MAP3K19: variants seen among roughly 807,000 people sequenced by gnomAD.
The protein encoded by MAP3K19 is SPS1/STE20-related protein kinase YSK4.
In MAP3K19, 91 loss-of-function variants were observed where a neutral mutation model predicts 114.4. The observed-to-expected ratio is 0.80, with a 90% confidence interval of 0.67 to 0.95. MAP3K19 has a LOEUF of 0.95. Among genes scored for constraint, MAP3K19 ranks in the 40% least tolerant of loss-of-function variants. MAP3K19 has a pLI of 0.00. For missense variants in MAP3K19, 1,471 were observed against 1,573.2 expected, an observed-to-expected ratio of 0.94 and a Z score of 1.10; for synonymous variants, 518 against 530.5, an observed-to-expected ratio of 0.98 and a Z score of 0.32.
chr2:135,023,760 TG>T (rs1688138974), intron 4 of MAP3K19: 7 of 340,970 alleles, frequency 2.1e-5, no homozygotes, highest in South Asian at 1.4e-4. Flanking sequence ...ACCATACATA[TG>T]GGCACTTCTA....
At chr2:135,031,871 G>A (rs1282661007) in intron 2 of MAP3K19, among the ~76,000 whole-genome samples, 4 of 152,186 alleles carry the variant, frequency 2.6e-5, no homozygotes, top group Admixed American at 6.5e-5. Flanking sequence ...ACTGTCTTCA[G>A]TGTACTTTTA....
rs565542667 is a variant in MAP3K19, at chr2:135,015,891, C to CA, written c.138+5823dup. Among the ~76,000 whole-genome samples the CA allele has an allele frequency of 4.3e-3, 590 of 137,432 alleles. 3 individuals carry two copies. The highest frequency in any genetic ancestry group is 7.5e-3 in the Middle Eastern group (2 of 266). 90.2% of individuals were successfully genotyped at this position (137,432 alleles called of 152,430 possible). On this transcript the variant is annotated intron_variant, in intron 5 of 12. Coordinates refer to ENST00000392915, the MANE Select transcript of MAP3K19 (RefSeq NM_025052.5). ...CTGGCAACAGAGCGAGCCTCCATCTCAAAAAAAAAAAAAATATTTGTTGCC... is the reference window on the plus strand; with the variant it reads ...CTGGCAACAGAGCGAGCCTCCATCTCAAAAAAAAAAAAAAATATTTGTTGCC...
chr2:134,993,615 G>A (rs1291749403), intron 8 of MAP3K19, among the ~76,000 whole-genome samples: 1 of 152,194 alleles, frequency 6.6e-6, no homozygotes, highest in Non-Finnish European at 1.5e-5. Context: ...ATAATTTATA[G>A]TTGGGTACAT....
At chr2:134,969,086 G>C (rs371724794) in intron 12 of MAP3K19, among the ~76,000 whole-genome samples, 10 of 152,178 alleles carry the variant, frequency 6.6e-5, no homozygotes, top group Admixed American at 1.3e-4. Flanking sequence ...ACGAGACTCC[G>C]TCTGCAATCC....
rs1476857209 is a variant in MAP3K19, at chr2:134,987,839, T to G, written c.1033A>C (p.Arg345=). 5 of 1,610,108 alleles carry G rather than the reference T, an allele frequency of 3.1e-6. No homozygotes were observed. Among genetic ancestry groups the G allele is most frequent in the African/African-American group, 1.3e-5 (1 of 74,938 alleles). The stretch of plus-strand genomic sequence containing the variant: ...CCATGGCAGTCAATATCCTCTTCCC[T>G]AACTGCAGGAATATTGCCTTCCTTC... ...NLKEGNIPAV[R]EEDIDCHGSK... is the part of the protein sequence containing the mutation. Residue 345 remains arginine (R), a synonymous_variant, in exon 10 of 13, where the codon AGG becomes CGG. Coordinates refer to ENST00000392915, the MANE Select transcript of MAP3K19 (RefSeq NM_025052.5).
At chr2:134,991,328 A>C in intron 9 of MAP3K19, 1 of 572,288 alleles carries the variant, frequency 1.7e-6, no homozygotes, top group Non-Finnish European at 3.2e-6. Context: ...AAAACAAAAC[A>C]AAACAAAACA....
At chr2:135,013,184 G>A (rs1353934065) in intron 5 of MAP3K19, among the ~76,000 whole-genome samples, 1 of 152,018 alleles carries the variant, frequency 6.6e-6, no homozygotes, top group Non-Finnish European at 1.5e-5. Flanking sequence ...GCCAGACATG[G>A]TGGTGCATGC....
chr2:134,989,066 G>A (rs1216310862), intron 9 of MAP3K19, among the ~76,000 whole-genome samples: 2 of 152,146 alleles, frequency 1.3e-5, no homozygotes, highest in Non-Finnish European at 2.9e-5. Flanking sequence ...CATTTTTGTG[G>A]ATGACAGGCA....
At chr2:135,046,359 C>A (rs977517317) in intron 1 of MAP3K19, among the ~76,000 whole-genome samples, 6 of 152,124 alleles carry the variant, frequency 3.9e-5, no homozygotes, top group African/African-American at 9.7e-5. Flanking sequence ...TTCACTGCAA[C>A]CTCCGCCTCC....
intron 5 of MAP3K19, among the ~76,000 whole-genome samples, chr2:135,020,742 G>A (rs1687914460): frequency 6.6e-6 from 1 of 152,172 alleles, no homozygotes; most frequent in South Asian, 2.1e-4. Flanking sequence ...GTTCTCACAA[G>A]ATCTGATGGT....
chr2:134,968,226 C>T (rs1271400359), intron 12 of MAP3K19, among the ~76,000 whole-genome samples: 2 of 152,138 alleles, frequency 1.3e-5, no homozygotes, highest in South Asian at 2.1e-4. Context: ...TTTCTTAGTA[C>T]AGAACAAAAT....
intron 5 of MAP3K19, among the ~76,000 whole-genome samples, chr2:135,014,583 C>A (rs1029541988): frequency 6.6e-6 from 1 of 152,110 alleles, no homozygotes; most frequent in Non-Finnish European, 1.5e-5. Flanking sequence ...TTTAGTATAG[C>A]ATACATTCAG....
chr2:135,033,675 G>A (rs1326497047), intron 2 of MAP3K19, among the ~76,000 whole-genome samples: 9 of 402 alleles, frequency 0.022, no homozygotes, highest in African/African-American at 0.053. Flanking sequence ...CCCACCCCCC[G>A]GACGGGCGGC....
At chr2:135,017,301 A>G (rs1394014199) in intron 5 of MAP3K19, among the ~76,000 whole-genome samples, 1 of 152,192 alleles carries the variant, frequency 6.6e-6, no homozygotes, top group Non-Finnish European at 1.5e-5. Context: ...TGGGGTTATT[A>G]AATCTCCAGA....
intron 12 of MAP3K19, among the ~76,000 whole-genome samples, chr2:134,968,210 A>G (rs1209475146): frequency 2.0e-5 from 3 of 152,174 alleles, no homozygotes; most frequent in South Asian, 2.1e-4. Context: ...CCAAGGCAGA[A>G]GAATTTTTCT....
At chr2:135,033,508 T>C (rs1688443777) in intron 2 of MAP3K19, among the ~76,000 whole-genome samples, 1 of 92,676 alleles carries the variant, frequency 1.1e-5, no homozygotes, top group East Asian at 3.8e-4. Flanking sequence ...GCTCCTCACT[T>C]CCCAGTAGGG....
At position 134,980,954 on chromosome 2, in the gene MAP3K19, C is replaced by T. The variant is rs1684602141; in HGVS notation, c.3787G>A (p.Gly1263Arg). The T allele has an allele frequency of 6.2e-7, 1 of 1,614,194 alleles. No homozygotes were observed. The highest frequency in any genetic ancestry group is 8.5e-7 in the Non-Finnish European group (1 of 1,180,028). The change falls in exon 12 of 13, where the codon GGG becomes AGG. Residue 1263 changes from glycine (G) to arginine (R), a missense_variant. Coordinates refer to ENST00000392915, the MANE Select transcript of MAP3K19 (RefSeq NM_025052.5). ...TCCATGGAAGCCAGTGGAGGCTTCC[C>T]TGTAGCCATCTCAAACACAGTACAA... ...IGCTVFEMAT[G>R]KPPLASMDRM...
intron 3 of MAP3K19, among the ~76,000 whole-genome samples, chr2:135,029,111 G>A (rs968372314): frequency 1.3e-5 from 2 of 152,300 alleles, no homozygotes; most frequent in Middle Eastern, 3.4e-3. Context: ...AGTGGCTCAC[G>A]CCTGTAATCC....
intron 11 of MAP3K19, chr2:134,983,191 G>A (rs773793964): frequency 1.9e-5 from 10 of 531,354 alleles, no homozygotes; most frequent in East Asian, 5.5e-5. Flanking sequence ...TCTCTTCATC[G>A]CCCACCCCCC....
Sources: allele counts gnomAD v4.1 joint callset (sites outside exome capture counted in the v4.1 genomes callset), GRCh38; gene constraint gnomAD v4.1.1; transcripts MANE v1.5; gene names NCBI Gene and HGNC (gene_info 2026-07-23, HGNC 2026-07-21).